POMGNT2: variants seen among roughly 807,000 people sequenced by gnomAD.
POMGNT2 encodes the protein protein O-linked-mannose beta-1,4-N-acetylglucosaminyltransferase 2.
In POMGNT2, 32 loss-of-function variants were observed where a neutral mutation model predicts 37.8. The observed-to-expected ratio is 0.85, with a 90% CI of 0.64 to 1.14. The LOEUF (loss-of-function observed/expected upper bound fraction) is 1.14. Ranked by LOEUF, POMGNT2 falls within the 50% of genes most tolerant of loss-of-function variation. POMGNT2 has a pLI of 0.00. For synonymous variants in POMGNT2, 340 were observed against 336.8 expected (o/e 1.01, Z -0.10); for missense variants, 705 against 780.6 (o/e 0.90, Z 1.15).
rs1278506766 is a variant in POMGNT2 at position 43,080,531 on chromosome 3, G to C, written c.901C>G (p.Leu301Val). ...VFSRTQNRLI[L>V]NEAELLLALA... ...GCCAGCAGCAGCTCTGCCTCATTCA[G>C]AATGAGTCTGTTCTGGGTTCGGCTA... Residue 301 changes from leucine to valine, a missense_variant, in exon 2 of 2, where the codon CTG becomes GTG. Coordinates refer to ENST00000344697, the MANE Select transcript of POMGNT2 (RefSeq NM_032806.6). 2 of 1,614,226 alleles carry C rather than the reference G, an allele frequency of 1.2e-6. No homozygotes were observed. Among genetic ancestry groups the C allele is most frequent in the East Asian group, 4.5e-5 (2 of 44,884 alleles).
At chr3:43,089,965 A>G (rs185303788) in intron 1 of POMGNT2, among the ~76,000 whole-genome samples, 1 of 152,152 alleles carries the variant, frequency 6.6e-6, no homozygotes, top group East Asian at 1.9e-4. Context: ...CTTCTGGGCC[A>G]GCCACAGGTG....
chr3:43,102,831 G>C (rs1575476008), intron 1 of POMGNT2, among the ~76,000 whole-genome samples: 3 of 152,326 alleles, frequency 2.0e-5, no homozygotes, highest in Admixed American at 1.3e-4. Context: ...CTCAATGGCA[G>C]ATAAGCAGAG....
In POMGNT2 at chr3:43,080,216, C is replaced by G. The variant is rs780525490; in HGVS notation, c.1216G>C (p.Glu406Gln). 39 of 1,614,106 alleles carry G rather than the reference C, an allele frequency of 2.4e-5. No homozygotes were observed. Among genetic ancestry groups the G allele is most frequent in the Non-Finnish European group, 3.3e-5 (39 of 1,180,034 alleles). ...MMPENTVTHP[E>Q]RPWDQGGITH... ...ATGCCCCCCTGATCCCAGGGCCGCT[C>G]AGGGTGTGTGACTGTGTTCTCTGGC... is the stretch of plus-strand genomic sequence containing the variant. Residue 406 changes from glutamate (E) to glutamine (Q), a missense_variant, in exon 2 of 2, where the codon GAG (glutamate) becomes CAG (glutamine). Transcript: ENST00000344697.
At position 43,081,427 on chromosome 3, in the gene POMGNT2, T is replaced by C; in HGVS notation, c.5A>G (p.His2Arg). M[H>R]LSAVFNALLV... ...GAGGGCGTTGAACACCGCCGAGAGG[T>C]GCATCCTAATGCCACTGTGGGGCCC... Residue 2 changes from histidine to arginine, a missense_variant, in exon 2 of 2, where the codon CAC becomes CGC. By Grantham distance (29) the His-to-Arg change is conservative. Coordinates refer to ENST00000344697, the MANE Select transcript of POMGNT2 (RefSeq NM_032806.6). 6.4e-7 allele frequency: 1 copy of C among 1,552,604 alleles called. No homozygotes were observed.
In POMGNT2 at chr3:43,080,626, C is replaced by T. The variant is rs752677359; in HGVS notation, c.806G>A (p.Arg269Gln). The T allele has an allele frequency of 1.1e-5, 18 of 1,614,212 alleles. No homozygotes were observed. In the South Asian group the frequency reaches 1.2e-4, roughly 11 times the overall value. Residue 269 changes from arginine (R) to glutamine (Q), a missense_variant, in exon 2 of 2, where the codon CGG (arginine) becomes CAG (glutamine). Transcript: ENST00000344697. ...VSGNEIRQFA[R>Q]FMTEKLNVSH... ...CACGTTCAGCTTTTCTGTCATGAAC[C>T]GTGCAAACTGCCGGATCTCATTGCC...
intron 1 of POMGNT2, among the ~76,000 whole-genome samples, chr3:43,094,249 G>A (rs145412292): frequency 8.8e-4 from 134 of 152,278 alleles, no homozygotes; most frequent in Non-Finnish European, 1.5e-3. Context: ...TACATTAATC[G>A]GATCTCCAGC....
At chr3:43,089,151 A>C (rs632013) in intron 1 of POMGNT2, among the ~76,000 whole-genome samples, 148,036 of 152,296 alleles carry the variant, frequency 0.97, 72,084 homozygotes, top group Middle Eastern at 1. Context: ...TATACAGGTG[A>C]CACCTGCCAG....
intron 1 of POMGNT2, among the ~76,000 whole-genome samples, chr3:43,093,324 G>A (rs1481202257): frequency 1.3e-5 from 2 of 152,298 alleles, no homozygotes; most frequent in South Asian, 2.1e-4. Flanking sequence ...ACTGGAGGAC[G>A]TGGGGGCTGC....
chr3:43,093,659 T>C (rs1479307976), intron 1 of POMGNT2, among the ~76,000 whole-genome samples: 1 of 152,168 alleles, frequency 6.6e-6, no homozygotes, highest in African/African-American at 2.4e-5. Context: ...CGCTGTCTGA[T>C]GAATACCCCA....
In POMGNT2 at chr3:43,080,780, C is replaced by T. The variant is rs1559414478; in HGVS notation, c.652G>A (p.Ala218Thr). 3 of 1,614,094 alleles carry T rather than the reference C, an allele frequency of 1.9e-6. No individual in the cohort carries two copies. The East Asian group carries it at 6.7e-5, about 36-fold the overall frequency. ...AGCCGGCCCAGGGTCTTCAGCTGTG[C>T]CCGCAGGAGAGGCTGCTTGGGGCTG... Reference protein sequence around the residue: ...LLSPKQPLLRAQLKTLGRLLC... With the variant: ...LLSPKQPLLRTQLKTLGRLLC... The change falls in exon 2 of 2, where the codon GCA becomes ACA. Residue 218 changes from alanine (A) to threonine (T), a missense_variant. Coordinates refer to ENST00000344697, the MANE Select transcript of POMGNT2 (RefSeq NM_032806.6).
At chr3:43,085,400 G>A (rs2089889438) in intron 1 of POMGNT2, among the ~76,000 whole-genome samples, 1 of 152,058 alleles carries the variant, frequency 6.6e-6, no homozygotes, top group Non-Finnish European at 1.5e-5. Flanking sequence ...GGTGTGAGAT[G>A]ACTGCATCTT....
intron 1 of POMGNT2, among the ~76,000 whole-genome samples, chr3:43,095,512 C>A (rs192455009): frequency 1.3e-5 from 2 of 152,234 alleles, no homozygotes; most frequent in African/African-American, 4.8e-5. Context: ...CCTAACAAAG[C>A]GTCCTCCAGC....
intron 1 of POMGNT2, among the ~76,000 whole-genome samples, chr3:43,103,722 G>A (rs1339276672): frequency 6.6e-6 from 1 of 152,194 alleles, no homozygotes; most frequent in Non-Finnish European, 1.5e-5. Context: ...CAAGGACGAT[G>A]GGCAGCAGAG....
intron 1 of POMGNT2, among the ~76,000 whole-genome samples, chr3:43,089,079 T>C (rs928522716): frequency 6.6e-6 from 1 of 152,176 alleles, no homozygotes; most frequent in East Asian, 1.9e-4. Flanking sequence ...TGAAGCCCCC[T>C]CCCTAAGAAA....
chr3:43,095,540 C>T (rs1399911832), intron 1 of POMGNT2, among the ~76,000 whole-genome samples: 6 of 152,220 alleles, frequency 3.9e-5, no homozygotes. Flanking sequence ...CTGCTCCATG[C>T]CAGGACAGCT....
chr3:43,088,715 T>C (rs1160261625), intron 1 of POMGNT2, among the ~76,000 whole-genome samples: 1 of 152,250 alleles, frequency 6.6e-6, no homozygotes, highest in Non-Finnish European at 1.5e-5. Flanking sequence ...GTCCTAAGGC[T>C]GCTGGCTGCC....
rs779748477 is a variant in POMGNT2 at position 43,081,048 on chromosome 3, C to T, written c.384G>A (p.Gln128=). 2 of 1,614,184 alleles carry T rather than the reference C, an allele frequency of 1.2e-6. No homozygotes were observed. Residue 128 remains glutamine (Q), a synonymous_variant, in exon 2 of 2, where the codon CAG becomes CAA. Coordinates refer to ENST00000344697, the MANE Select transcript of POMGNT2 (RefSeq NM_032806.6). ...CAGGCAGCTCCACGAAGTTGAAGTACTGAGTGTTGTGGTCCTCCACGGTGG... is the reference window on the plus strand; with the variant it reads ...CAGGCAGCTCCACGAAGTTGAAGTATTGAGTGTTGTGGTCCTCCACGGTGG... ...DLSTVEDHNT[Q]YFNFVELPAA...
rs192764420 is a variant in POMGNT2, at chr3:43,083,506, T to C, written c.-105-1970A>G. 4.6e-5 allele frequency among the ~76,000 whole-genome samples: 7 copies of C among 152,366 alleles called. No homozygotes were observed. In the East Asian group the frequency reaches 1.2e-3, roughly 25 times the overall value. ...TATTTCCTGCCTTCTTGTGAATTAC[T>C]TGAATTCCACTTTGATTTATCAGTA... is the stretch of plus-strand genomic sequence containing the variant. On this transcript the variant is annotated intron_variant, in intron 1 of 1. Transcript: ENST00000344697.
chr3:43,081,579 T>C (rs1160445522), intron 1 of POMGNT2, 43 bp from the exon 2 acceptor site: 4 of 719,230 alleles, frequency 5.6e-6, no homozygotes, highest in Non-Finnish European at 8.9e-6. Flanking sequence ...TTGGCAGTCT[T>C]CCTGGCATCA....
Sources: gnomAD v4.1 joint callset for allele counts (sites outside exome capture counted in the v4.1 genomes callset) on GRCh38, gnomAD v4.1.1 for gene constraint, MANE v1.5 for transcripts, NCBI Gene and HGNC (gene_info 2026-07-23, HGNC 2026-07-21) for gene names.